The following MAML3 variants were observed in gnomAD, a reference collection of about 807,000 sequenced individuals.
The protein encoded by MAML3 is mastermind-like protein 3.
In MAML3, 27 loss-of-function variants were observed where a neutral mutation model predicts 101.9. That is an observed-to-expected ratio of 0.27 (90% CI 0.20 to 0.37). The LOEUF is 0.37. Ranked by LOEUF, MAML3 falls within the 10% of genes least tolerant of loss-of-function variation. The pLI, the probability that MAML3 is intolerant of heterozygous loss-of-function variation, is 1.00. For missense variants in MAML3, 1,316 were observed against 1,444.9 expected, an observed-to-expected ratio of 0.91 and a Z score of 1.45; for synonymous variants, 501 against 555.9, an observed-to-expected ratio of 0.90 and a Z score of 1.39.
At chr4:139,979,170 G>A (rs1482854055) in intron 1 of MAML3, among the ~76,000 whole-genome samples, 1 of 152,198 alleles carries the variant, frequency 6.6e-6, no homozygotes, top group Non-Finnish European at 1.5e-5. Flanking sequence ...CATTGTAAAG[G>A]TGAGAGAACT....
chr4:139,997,002 A>G (rs1734829560), intron 1 of MAML3, among the ~76,000 whole-genome samples: 1 of 151,942 alleles, frequency 6.6e-6, no homozygotes, highest in South Asian at 2.1e-4. Context: ...GGTTGCAAAG[A>G]GCCAAGATCG....
At chr4:139,842,492 C>T (rs1337098619) in intron 2 of MAML3, among the ~76,000 whole-genome samples, 1 of 151,642 alleles carries the variant, frequency 6.6e-6, no homozygotes, top group Non-Finnish European at 1.5e-5. Flanking sequence ...ATTCTTCCCA[C>T]AATCCTAGAA....
At chr4:140,085,469 T>C (rs1304646648) in intron 1 of MAML3, among the ~76,000 whole-genome samples, 1 of 152,116 alleles carries the variant, frequency 6.6e-6, no homozygotes, top group Non-Finnish European at 1.5e-5. Flanking sequence ...GTACAGAAGC[T>C]AAAAGGTTCT....
chr4:139,931,301 G>A (rs540256261), intron 1 of MAML3, among the ~76,000 whole-genome samples: 9 of 152,120 alleles, frequency 5.9e-5, no homozygotes, highest in African/African-American at 1.9e-4. Context: ...TTATCCTTCC[G>A]TAAACCTTCA....
intron 1 of MAML3, among the ~76,000 whole-genome samples, chr4:140,104,426 C>T (rs1425334331): frequency 1.7e-4 from 4 of 23,462 alleles, no homozygotes; most frequent in East Asian, 8.7e-4. Context: ...ATATAATATA[C>T]ACGAATGTGT....
Position 139,946,265 on chromosome 4 carries a change from G to C in MAML3, c.469-55298C>G, listed in dbSNP as rs534015775. Among the ~76,000 whole-genome samples, 3 of 152,292 alleles carry C rather than the reference G, an allele frequency of 2.0e-5. No homozygotes were observed. The South Asian group carries it at 6.2e-4, about 32-fold the overall frequency. On this transcript the variant is annotated intron_variant, in intron 1 of 4. Transcript: ENST00000509479. ...TATATGCATCAGTTTCATAATAGCC[G>C]TTTTTGAAGGTGAGATGAAGTTTAT...
chr4:139,811,720 A>G (rs1730799723), intron 2 of MAML3, among the ~76,000 whole-genome samples: 1 of 152,232 alleles, frequency 6.6e-6, no homozygotes, highest in Admixed American at 6.5e-5. Flanking sequence ...ATACATGTTT[A>G]TCTCCATTTC....
chr4:139,979,406 C>A (rs1734404072), intron 1 of MAML3, among the ~76,000 whole-genome samples: 1 of 152,146 alleles, frequency 6.6e-6, no homozygotes, highest in East Asian at 1.9e-4. Flanking sequence ...CACTGCCTCC[C>A]AGCTCCATTT....
At chr4:139,813,852 T>G (rs1322314088) in intron 2 of MAML3, among the ~76,000 whole-genome samples, 2 of 152,116 alleles carry the variant, frequency 1.3e-5, no homozygotes, top group African/African-American at 4.8e-5. Flanking sequence ...TGCAAATGTA[T>G]TGAGAGAAGA....
At chr4:139,920,247 C>G (rs734209) in intron 1 of MAML3, among the ~76,000 whole-genome samples, 1 of 152,008 alleles carries the variant, frequency 6.6e-6, no homozygotes, top group Non-Finnish European at 1.5e-5. Flanking sequence ...TGTGTTAAGT[C>G]AGAACAAAGT....
chr4:140,036,881 A>G (rs1440191295), intron 1 of MAML3, among the ~76,000 whole-genome samples: 1 of 152,194 alleles, frequency 6.6e-6, no homozygotes, highest in Non-Finnish European at 1.5e-5. Context: ...CTTGAAGATG[A>G]CGGTGGCTCA....
intron 2 of MAML3, among the ~76,000 whole-genome samples, chr4:139,879,837 C>A (rs1211006096): frequency 6.6e-6 from 1 of 152,178 alleles, no homozygotes; most frequent in East Asian, 1.9e-4. Context: ...ATATTCTCAT[C>A]CCCTAAAACC....
At chr4:140,074,175 GAA>G (rs147103242) in intron 1 of MAML3, among the ~76,000 whole-genome samples, 1 of 74,446 alleles carries the variant, frequency 1.3e-5, no homozygotes, top group Non-Finnish European at 3.3e-5. Context: ...AGGAAAGAAA[GAA>G]AGAGAGAGAG....
intron 2 of MAML3, among the ~76,000 whole-genome samples, chr4:139,787,808 C>T (rs770208164): frequency 1.4e-4 from 21 of 152,144 alleles, no homozygotes; most frequent in Non-Finnish European, 2.5e-4. Flanking sequence ...TACACTTAAC[C>T]AAATTAAATT....
At chr4:139,935,101 C>T (rs1045358294) in intron 1 of MAML3, among the ~76,000 whole-genome samples, 14 of 151,902 alleles carry the variant, frequency 9.2e-5, no homozygotes, top group African/African-American at 3.1e-4. Context: ...TTACTGCTCT[C>T]CCCCTACTGC....
intron 1 of MAML3, among the ~76,000 whole-genome samples, chr4:140,106,807 A>G (rs1246383180): frequency 6.6e-6 from 1 of 152,206 alleles, no homozygotes; most frequent in Non-Finnish European, 1.5e-5. Flanking sequence ...GCTTAGCAAA[A>G]TCCTGAGATT....
chr4:140,010,430 T>G (rs1207356851), intron 1 of MAML3, among the ~76,000 whole-genome samples: 1 of 152,264 alleles, frequency 6.6e-6, no homozygotes, highest in Non-Finnish European at 1.5e-5. Flanking sequence ...TGTAACTATA[T>G]GTATATTTGT....
chr4:139,897,891 A>G (rs754210532), intron 1 of MAML3, among the ~76,000 whole-genome samples: 7 of 152,074 alleles, frequency 4.6e-5, no homozygotes, highest in Non-Finnish European at 8.8e-5. Context: ...CTCAACTCCA[A>G]ACTTTCAGCT....
intron 1 of MAML3, among the ~76,000 whole-genome samples, chr4:140,129,770 G>A (rs1728756969): frequency 6.6e-6 from 1 of 152,040 alleles, no homozygotes; most frequent in African/African-American, 2.4e-5. Flanking sequence ...ATCGAGACCA[G>A]CCTGGCCAAC....
Sources: allele counts gnomAD v4.1 joint callset (sites outside exome capture counted in the v4.1 genomes callset), GRCh38; gene constraint gnomAD v4.1.1; transcripts MANE v1.5; gene names NCBI Gene and HGNC (gene_info 2026-07-23, HGNC 2026-07-21).